Variants in NPSR1 observed in about 807,000 individuals in gnomAD.
NPSR1 encodes neuropeptide S receptor 1.
A neutral mutation model predicts 46.9 loss-of-function variants in NPSR1; 48 were observed. The ratio of observed to expected loss-of-function variants is 1.02; its 90% confidence interval spans 0.81 to 1.30. The LOEUF is 1.30. Among genes scored for constraint, NPSR1 ranks in the 50% most tolerant of loss-of-function variants. The probability of loss-of-function intolerance (pLI) is 0.00; values close to 1 mark genes in which losing one functional copy is unlikely to be tolerated. For synonymous variants in NPSR1, 176 were observed against 168.1 expected (o/e 1.05, Z -0.36); for missense variants, 450 against 449.5 (o/e 1.00, Z -0.01).
At chr7:34,669,115 G>A (rs1791907524) in intron 1 of NPSR1, among the ~76,000 whole-genome samples, 1 of 152,132 alleles carries the variant, frequency 6.6e-6, no homozygotes, top group Non-Finnish European at 1.5e-5. Context: ...CACCATATCA[G>A]AACTTCCCAA....
At chr7:34,792,186 T>G (rs1787912723) in intron 3 of NPSR1, among the ~76,000 whole-genome samples, 1 of 151,298 alleles carries the variant, frequency 6.6e-6, no homozygotes, top group East Asian at 1.9e-4. Flanking sequence ...CACCAAAAAC[T>G]CAAGAAACAA....
At chr7:34,741,990 T>G (rs1037490079) in intron 2 of NPSR1, among the ~76,000 whole-genome samples, 1 of 152,260 alleles carries the variant, frequency 6.6e-6, no homozygotes, top group African/African-American at 2.4e-5. Flanking sequence ...AGTTCCCTAC[T>G]CTGCCATTGT....
intron 3 of NPSR1, among the ~76,000 whole-genome samples, chr7:34,809,093 C>T (rs1483754646): frequency 6.6e-6 from 1 of 152,106 alleles, no homozygotes; most frequent in African/African-American, 2.4e-5. Flanking sequence ...CCATGATGTT[C>T]CACTCCACAG....
At chr7:34,748,934 A>G (rs1463479177) in intron 2 of NPSR1, among the ~76,000 whole-genome samples, 3 of 152,154 alleles carry the variant, frequency 2.0e-5, no homozygotes, top group Admixed American at 1.3e-4. Context: ...AACAACCTCT[A>G]GTGATGGGAT....
chr7:34,759,631 T>G (rs1786057982), intron 2 of NPSR1, among the ~76,000 whole-genome samples: 1 of 150,810 alleles, frequency 6.6e-6, no homozygotes, highest in Non-Finnish European at 1.5e-5. Flanking sequence ...CATGGCATAT[T>G]TAAGAGAAAG....
chr7:34,799,196 G>C (rs1163390173), intron 3 of NPSR1, among the ~76,000 whole-genome samples: 4 of 151,964 alleles, frequency 2.6e-5, no homozygotes, highest in African/African-American at 9.7e-5. Context: ...GCTTTACTTA[G>C]CCATTCCACA....
At chr7:34,766,734 G>A (rs974619033) in intron 2 of NPSR1, among the ~76,000 whole-genome samples, 5 of 151,974 alleles carry the variant, frequency 3.3e-5, no homozygotes, top group South Asian at 2.1e-4. Flanking sequence ...CACCACGCCC[G>A]GCTAATTTTT....
intron 3 of NPSR1, among the ~76,000 whole-genome samples, chr7:34,799,019 A>G (rs770551969): frequency 6.6e-6 from 1 of 152,156 alleles, no homozygotes; most frequent in Non-Finnish European, 1.5e-5. Context: ...ATGTGATATT[A>G]ATAAACTAAT....
intron 6 of NPSR1, among the ~76,000 whole-genome samples, chr7:34,840,129 G>A (rs1790512111): frequency 6.6e-6 from 1 of 152,074 alleles, no homozygotes; most frequent in South Asian, 2.1e-4. Context: ...GTTGGCTCTG[G>A]GCTAAAAACC....
intron 4 of NPSR1, among the ~76,000 whole-genome samples, chr7:34,823,691 G>T (rs1340273565): frequency 6.6e-6 from 1 of 151,860 alleles, no homozygotes; most frequent in Admixed American, 6.6e-5. Flanking sequence ...GGAATAACAA[G>T]AACTGAGAAA....
chr7:34,843,851 C>T (rs144866389), intron 6 of NPSR1, among the ~76,000 whole-genome samples: 19 of 152,382 alleles, frequency 1.2e-4, no homozygotes, highest in African/African-American at 2.4e-4. Flanking sequence ...GTGACTTCGA[C>T]GCACTGAGTG....
intron 2 of NPSR1, chr7:34,723,437 T>C (rs1783967569): frequency 6.6e-6 from 1 of 152,434 alleles, no homozygotes; most frequent in African/African-American, 2.4e-5. Context: ...AGGATCTCCC[T>C]GAGGACACCA....
At chr7:34,797,230 C>A (rs1788213200) in intron 3 of NPSR1, among the ~76,000 whole-genome samples, 1 of 152,130 alleles carries the variant, frequency 6.6e-6, no homozygotes, top group Admixed American at 6.6e-5. Flanking sequence ...GGCAGTAGAA[C>A]TACTCTGTAC....
Position 34,848,553 on chromosome 7 carries a change from C to T in NPSR1, c.915C>T (p.Thr305=), listed in dbSNP as rs772792091. The T allele has an allele frequency of 6.2e-7, 1 of 1,614,132 alleles. No individual in the cohort carries two copies. The highest frequency in any genetic ancestry group is 1.7e-5 in the Admixed American group (1 of 60,024). ...ACAATTTCAACCTCCTTCCAGACAC[C>T]CAGGAGCGTTTCTATGCCTCTGTGA... is the stretch of plus-strand genomic sequence containing the variant. ...ILDNFNLLPD[T]QERFYASVII... Residue 305 remains threonine, a synonymous_variant, in exon 8 of 9, where the codon ACC becomes ACT. Transcript: ENST00000360581.
intron 1 of NPSR1, among the ~76,000 whole-genome samples, chr7:34,670,612 C>T (rs1036263392): frequency 2.7e-5 from 4 of 150,708 alleles, no homozygotes; most frequent in South Asian, 4.2e-4. Context: ...ATAGTATATA[C>T]ATTAATTATA....
intron 2 of NPSR1, among the ~76,000 whole-genome samples, chr7:34,714,684 G>T (rs971197569): frequency 6.6e-6 from 1 of 152,124 alleles, no homozygotes. Context: ...CCTAGTGGGG[G>T]TCTACAGGTT....
chr7:34,664,995 G>A (rs1365562850), intron 1 of NPSR1, among the ~76,000 whole-genome samples: 6 of 152,128 alleles, frequency 3.9e-5, no homozygotes, highest in Non-Finnish European at 8.8e-5. Flanking sequence ...TATCACCTTT[G>A]AACCTCCCAT....
chr7:34,705,111 G>A (rs1794034918), intron 2 of NPSR1, among the ~76,000 whole-genome samples: 1 of 152,060 alleles, frequency 6.6e-6, no homozygotes. Context: ...TATGATAGAT[G>A]ACTAAAAGTG....
At chr7:34,755,510 T>C (rs1785785314) in intron 2 of NPSR1, among the ~76,000 whole-genome samples, 1 of 152,224 alleles carries the variant, frequency 6.6e-6, no homozygotes, top group Non-Finnish European at 1.5e-5. Flanking sequence ...CTATCCTTAT[T>C]GAATGGTGTT....
Sources: gnomAD v4.1 joint callset for allele counts (sites outside exome capture counted in the v4.1 genomes callset) on GRCh38, gnomAD v4.1.1 for gene constraint, MANE v1.5 for transcripts, NCBI Gene and HGNC (gene_info 2026-07-23, HGNC 2026-07-21) for gene names.